ASPM: variants seen among roughly 807,000 people sequenced by gnomAD.
ASPM encodes assembly factor for spindle microtubules.
In ASPM, 256 loss-of-function variants were observed where a neutral mutation model predicts 366.4. The observed-to-expected ratio is 0.70, with a 90% CI of 0.63 to 0.77. ASPM has a LOEUF of 0.77. Among genes scored for constraint, ASPM ranks in the 30% least tolerant of loss-of-function variants. The pLI, the probability that ASPM is intolerant of heterozygous loss-of-function variation, is 0.00. For missense variants in ASPM, 4,146 were observed against 4,090.4 expected, an observed-to-expected ratio of 1.01 and a Z score of -0.37; for synonymous variants, 1,414 against 1,342.9, an observed-to-expected ratio of 1.05 and a Z score of -1.16.
Position 197,100,436 on chromosome 1 carries a change from T to A in ASPM, c.8815A>T (p.Ile2939Phe), listed in dbSNP as rs772216160. 1 of 1,527,764 alleles carries A rather than the reference T, an allele frequency of 6.5e-7. No individual in the cohort carries two copies. Among genetic ancestry groups the A allele is most frequent in the Admixed American group, 2.0e-5 (1 of 49,198 alleles). 94.6% of individuals were successfully genotyped at this position (1,527,764 alleles called of 1,614,324 possible). A position where few individuals can be genotyped will look rare whatever the true frequency, so the allele number is the denominator to read the frequency against. Residue 2939 changes from isoleucine (I) to phenylalanine (F), a missense_variant, in exon 18 of 28, where the codon ATT becomes TTT. Coordinates refer to ENST00000367409, the MANE Select transcript of ASPM (RefSeq NM_018136.5). ...TAAATTAAATATAGAAATACCTGAA[T>A]TTTTATGGTGCTATTTTTAATTTCC... is the stretch of plus-strand genomic sequence containing the variant. ...FQEIKNSTIK[I>F]QAMWRRYRAK...
At chr1:197,124,688 AAT>A (rs34471103) in intron 12 of ASPM, among the ~76,000 whole-genome samples, 180 bp downstream of exon 12, 7 of 151,118 alleles carry the variant, frequency 4.6e-5, no homozygotes, top group African/African-American at 1.5e-4. Context: ...ATTAGATTGA[AAT>A]ATATATATAT....
At chr1:197,136,400 T>A (rs1658421691) in intron 4 of ASPM, among the ~76,000 whole-genome samples, 1 of 152,170 alleles carries the variant, frequency 6.6e-6, no homozygotes, top group Non-Finnish European at 1.5e-5. Flanking sequence ...CTTTTTATTT[T>A]CTACATGATT....
Position 197,103,513 on chromosome 1 carries a change from GC to G in ASPM, c.5737del (p.Ala1913ProfsTer13). The G allele has an allele frequency of 6.2e-7, 1 of 1,613,090 alleles. No individual in the cohort carries two copies. The highest frequency in any genetic ancestry group is 8.5e-7 in the Non-Finnish European group (1 of 1,179,478). ...TTTAAACAATCTAAACTGTTTCTGGGCCTTGGCCATTCTAAAAGCAGACTGA... is the reference window on the plus strand; with the variant it reads ...TTTAAACAATCTAAACTGTTTCTGGGCTTGGCCATTCTAAAAGCAGACTGA... ...KIQSAFRMAK[A>X]QKQFRLFKTA... On this transcript the variant is annotated frameshift_variant, in exon 18 of 28. Transcript: ENST00000367409. LOFTEE classifies it high-confidence loss of function.
rs34258529 is a variant in ASPM at position 197,134,250 on chromosome 1, T to TAA, written c.2174-657_2174-656dup. Among the ~76,000 whole-genome samples the TAA allele has an allele frequency of 1.7e-3, 216 of 127,336 alleles. 1 individual carries two copies. The East Asian group carries it at 0.023, about 13-fold the overall frequency. The allele number at this position is 127,336 out of a possible 152,430, so 83.5% of individuals were successfully genotyped here. ...TCTTCTATTCAAAAATAAAAAATAA[T>TAA]AAAAAAAAAAAACTAGCCAGGCATG... On this transcript the variant is annotated intron_variant, in intron 5 of 27. Coordinates refer to ENST00000367409, the MANE Select transcript of ASPM (RefSeq NM_018136.5).
intron 10 of ASPM, among the ~76,000 whole-genome samples, chr1:197,127,770 T>C (rs1209800991): frequency 6.6e-6 from 1 of 152,222 alleles, no homozygotes; most frequent in Admixed American, 6.5e-5. Flanking sequence ...TTGGGCAATC[T>C]ATTCTACCAC....
chr1:197,094,143 T>C lies in ASPM; in HGVS notation c.9025A>G (p.Arg3009Gly). 1 of 1,607,818 alleles carries C rather than the reference T, an allele frequency of 6.2e-7. No individual in the cohort carries two copies. Residue 3009 changes from arginine (R) to glycine (G), a missense_variant, in exon 20 of 28, where the codon AGA becomes GGA. This residue lies in a region of ASPM where 3,624 missense variants were observed against 3,591.7 expected (regional missense o/e 1.01). Transcript: ENST00000367409. ...NVRASAIIIQ[R>G]KWRAILPAKI... ...GCAGGAAGTATAGCTCTCCATTTTCTCTGAATGATAATTGCTGATGCTCTC... is the reference window on the plus strand; with the variant it reads ...GCAGGAAGTATAGCTCTCCATTTTCCCTGAATGATAATTGCTGATGCTCTC...
At chr1:197,109,110 T>TA (rs1284181163) in intron 17 of ASPM, among the ~76,000 whole-genome samples, 1 of 150,616 alleles carries the variant, frequency 6.6e-6, no homozygotes, top group African/African-American at 2.4e-5. Flanking sequence ...TTATGTCAAG[T>TA]AAAAAAAGAG....
chr1:197,098,331 C>A (rs1468258523), intron 18 of ASPM, among the ~76,000 whole-genome samples: 1 of 151,470 alleles, frequency 6.6e-6, no homozygotes, highest in Non-Finnish European at 1.5e-5. Flanking sequence ...TGTGTTGCTT[C>A]CCATACCAAT....
chr1:197,144,119 A>G lies in ASPM; in HGVS notation c.298-19T>C. ...CTTTAGGCTATAATCAAAACAATAC[A>G]TTATATAATTACAATAGTAATTACA... On this transcript the variant is annotated intron_variant, in intron 1 of 27. Coordinates refer to ENST00000367409, the MANE Select transcript of ASPM (RefSeq NM_018136.5). 6.5e-7 allele frequency: 1 copy of G among 1,527,490 alleles called. No homozygotes were observed. Among genetic ancestry groups the G allele is most frequent in the East Asian group, 2.3e-5 (1 of 44,278 alleles). The allele number at this position is 1,527,490 out of a possible 1,614,324, so 94.6% of individuals were successfully genotyped here. A position where few individuals can be genotyped will look rare whatever the true frequency, so the allele number is the denominator to read the frequency against.
At chr1:197,089,317 A>G (rs1182685418) in intron 25 of ASPM, among the ~76,000 whole-genome samples, 1 of 152,040 alleles carries the variant, frequency 6.6e-6, no homozygotes, top group Non-Finnish European at 1.5e-5. Flanking sequence ...TGCATACAAT[A>G]TAGTTTGGAA....
intron 8 of ASPM, 147 bp downstream of exon 8, chr1:197,129,768 A>G (rs1658206323): frequency 2.3e-6 from 2 of 882,274 alleles, no homozygotes. Context: ...ACGGGGAATG[A>G]GGGTGGAGGA....
Position 197,122,507 on chromosome 1 carries a change from G to A in ASPM, c.3479C>T (p.Ala1160Val). 6.2e-6 allele frequency: 10 copies of A among 1,613,534 alleles called. No homozygotes were observed. Among genetic ancestry groups the A allele is most frequent in the Non-Finnish European group, 8.5e-6 (10 of 1,179,696 alleles). Residue 1160 changes from alanine (A) to valine (V), a missense_variant, in exon 14 of 28, where the codon GCT becomes GTT. Physicochemically the swap from Ala to Val is moderately conservative, Grantham distance 64. Transcript: ENST00000367409. ...AGTTTGAGTAGTACGCTGACATATA[G>A]CGTCAAATGGCACATAGCAAGGATG... ...HYHPCYVPFDAICQRTTQTVE... is the reference protein window; with the variant it reads ...HYHPCYVPFDVICQRTTQTVE...
intron 17 of ASPM, among the ~76,000 whole-genome samples, chr1:197,107,534 A>T (rs1193235641): frequency 6.6e-6 from 1 of 152,160 alleles, no homozygotes; most frequent in Non-Finnish European, 1.5e-5. Flanking sequence ...ATTATTTGAC[A>T]TACAACATAA....
Position 197,142,391 on chromosome 1 carries a change from T to C in ASPM, c.1861A>G (p.Thr621Ala). The change falls in exon 3 of 28, where the codon ACA becomes GCA. Residue 621 changes from threonine (T) to alanine (A), a missense_variant. This residue lies in a region of ASPM where 3,624 missense variants were observed against 3,591.7 expected (regional missense o/e 1.01). Transcript: ENST00000367409. ...CTAATACGTTTTGAGATGGGTGTTGTCACATTTTTTGTTTTCTTAACAGCT... is the reference window on the plus strand; with the variant it reads ...CTAATACGTTTTGAGATGGGTGTTGCCACATTTTTTGTTTTCTTAACAGCT... ...TSAVKKTKNV[T>A]TPISKRISNR... 5 of 1,613,964 alleles carry C rather than the reference T, an allele frequency of 3.1e-6. No homozygotes were observed. The highest frequency in any genetic ancestry group is 4.2e-6 in the Non-Finnish European group (5 of 1,179,846).
Position 197,103,851 on chromosome 1 carries a change from T to G in ASPM, c.5400A>C (p.Gln1800His). The G allele has an allele frequency of 6.2e-7, 1 of 1,612,972 alleles. No individual in the cohort carries two copies. Residue 1800 changes from glutamine (Q) to histidine (H), a missense_variant, in exon 18 of 28, where the codon CAA becomes CAC. Physicochemically the swap from Gln to His is conservative, Grantham distance 24 (BLOSUM62 0). Coordinates refer to ENST00000367409, the MANE Select transcript of ASPM (RefSeq NM_018136.5). ...AQVNQRKNFL[Q>H]VKKAATCLQA... ...GCAAGCAAGTAGCTGCTTTTTTGAC[T>G]TGCAAGAAGTTCTTCCTCTGATTGA...
chr1:197,146,251 G>A lies in ASPM; in HGVS notation c.187C>T (p.Leu63=), dbSNP rs769142530. The A allele has an allele frequency of 1.4e-5, 23 of 1,614,170 alleles. No homozygotes were observed. Among genetic ancestry groups the A allele is most frequent in the Middle Eastern group, 1.6e-4 (1 of 6,062 alleles). ...GDVLLGASRT[L]SLALDNPNEE... The stretch of plus-strand genomic sequence containing the variant: ...TTAGGGTTGTCTAGGGCCAGAGACA[G>A]CGTCCGTGAGGCTCCCAGGAGAACG... The change falls in exon 1 of 28, where the codon CTG becomes TTG. Residue 63 remains leucine (L), a synonymous_variant. Coordinates refer to ENST00000367409, the MANE Select transcript of ASPM (RefSeq NM_018136.5).
Position 197,104,150 on chromosome 1 carries a change from A to C in ASPM, c.5101T>G (p.Leu1701Val), listed in dbSNP as rs780492984. 1.2e-6 allele frequency: 2 copies of C among 1,612,756 alleles called. No homozygotes were observed. Among genetic ancestry groups the C allele is most frequent in the East Asian group, 2.2e-5 (1 of 44,812 alleles). Residue 1701 changes from leucine to valine, a missense_variant, in exon 18 of 28, where the codon TTA (leucine) becomes GTA (valine). Physicochemically the swap from Leu to Val is conservative, Grantham distance 32. Transcript: ENST00000367409. ...TGGATAAATAGTGCAGCTGCTCTTAAATGCAAATATTGTTTACGTGTTTGT... is the reference window on the plus strand; with the variant it reads ...TGGATAAATAGTGCAGCTGCTCTTACATGCAAATATTGTTTACGTGTTTGT... ...MKQTRKQYLH[L>V]RAAALFIQQC...
chr1:197,090,527 CAAAT>C, intron 23 of ASPM, 139 bp from the exon 24 acceptor site: 2 of 782,934 alleles, frequency 2.6e-6, no homozygotes, highest in East Asian at 2.7e-5. Context: ...ATCTCAAGTT[CAAAT>C]AAATAGCAAA....
At chr1:197,125,769 C>T (rs912722338) in intron 10 of ASPM, among the ~76,000 whole-genome samples, 10 of 152,048 alleles carry the variant, frequency 6.6e-5, no homozygotes, top group East Asian at 1.9e-4. Context: ...TATATATACA[C>T]GCACGAATAT....
Sources: gnomAD v4.1 joint callset for allele counts (sites outside exome capture counted in the v4.1 genomes callset) on GRCh38, gnomAD v4.1.1 for gene constraint, gnomAD v4.1.1 regional missense constraint, MANE v1.5 for transcripts, NCBI Gene and HGNC (gene_info 2026-07-23, HGNC 2026-07-21) for gene names.